ANO2: variants seen among roughly 807,000 people sequenced by gnomAD.
ANO2 encodes anoctamin-2.
ANO2 carries 101 observed loss-of-function variants against 124.2 expected under a neutral mutation model. The observed-to-expected ratio is 0.81, with a 90% CI of 0.69 to 0.96. The LOEUF (loss-of-function observed/expected upper bound fraction) is 0.96. ANO2 is among the 40% of genes least tolerant of loss of function. ANO2 has a pLI of 0.00. For synonymous variants in ANO2, 486 were observed against 482.5 expected (o/e 1.01, Z -0.09); for missense variants, 1,293 against 1,274.5 (o/e 1.01, Z -0.22).
chr12:5,853,013 GC>G (rs1189706538), intron 4 of ANO2, among the ~76,000 whole-genome samples: 1 of 151,888 alleles, frequency 6.6e-6, no homozygotes, highest in Non-Finnish European at 1.5e-5. Context: ...AAGAGACATG[GC>G]AGATGGTCAA....
intron 10 of ANO2, among the ~76,000 whole-genome samples, chr12:5,798,618 A>G (rs909661661): frequency 6.6e-6 from 1 of 152,218 alleles, no homozygotes; most frequent in Non-Finnish European, 1.5e-5. Flanking sequence ...CTCCTCCTGC[A>G]GGCTCCAGCG....
chr12:5,583,652 CAAAAAAAA>C (rs61360127), intron 20 of ANO2: 6 of 76,938 alleles, frequency 7.8e-5, no homozygotes, highest in Admixed American at 6.0e-4. Flanking sequence ...GACTCCGTCT[CAAAAAAAA>C]AAAAAAAAAA....
intron 20 of ANO2, among the ~76,000 whole-genome samples, chr12:5,589,624 C>T (rs188840742): frequency 3.9e-4 from 59 of 152,202 alleles, no homozygotes; most frequent in African/African-American, 1.3e-3. Flanking sequence ...TTTGAAGAAT[C>T]GGCCCTTGGG....
chr12:5,911,252 G>A (rs1040091024), intron 3 of ANO2, among the ~76,000 whole-genome samples: 2 of 152,136 alleles, frequency 1.3e-5, no homozygotes, highest in Non-Finnish European at 2.9e-5. Flanking sequence ...CCTAGTAGGT[G>A]CTCAGTAAAT....
chr12:5,638,732 G>A (rs536418310), intron 15 of ANO2, among the ~76,000 whole-genome samples: 7 of 152,054 alleles, frequency 4.6e-5, no homozygotes, highest in South Asian at 4.2e-4. Context: ...GTAAAGATTC[G>A]CTGGTCAGCA....
intron 14 of ANO2, among the ~76,000 whole-genome samples, chr12:5,673,465 C>A (rs1192194460): frequency 6.6e-6 from 1 of 152,206 alleles, no homozygotes; most frequent in Non-Finnish European, 1.5e-5. Context: ...ATATAGCACT[C>A]ATTTGCTTGG....
chr12:5,593,099 A>C (rs1943485844), intron 20 of ANO2, among the ~76,000 whole-genome samples: 1 of 152,252 alleles, frequency 6.6e-6, no homozygotes, highest in African/African-American at 2.4e-5. Flanking sequence ...GTAAACATGC[A>C]ATCATGGATG....
chr12:5,909,147 AT>A (rs1940884401), intron 3 of ANO2, among the ~76,000 whole-genome samples: 1 of 152,202 alleles, frequency 6.6e-6, no homozygotes, highest in African/African-American at 2.4e-5. Context: ...ACTAGGAATA[AT>A]TCTGTAGAAA....
At chr12:5,617,009 C>T (rs1944847824) in intron 16 of ANO2, among the ~76,000 whole-genome samples, 1 of 151,822 alleles carries the variant, frequency 6.6e-6, no homozygotes, top group African/African-American at 2.4e-5. Flanking sequence ...CACATAGTAC[C>T]ACACTCTCCA....
At chr12:5,847,710 T>C (rs1285370800) in intron 4 of ANO2, among the ~76,000 whole-genome samples, 2 of 152,128 alleles carry the variant, frequency 1.3e-5, no homozygotes, top group South Asian at 2.1e-4. Context: ...TTTCCAAAGC[T>C]AAATGGAATT....
At chr12:5,917,565 C>CTTT (rs1275136752) in intron 3 of ANO2, among the ~76,000 whole-genome samples, 21 of 100,644 alleles carry the variant, frequency 2.1e-4, no homozygotes, top group South Asian at 3.5e-4. Context: ...TCTCTTTTTT[C>CTTT]TTTTTTTTTT....
At chr12:5,879,463 C>T (rs1208605298) in intron 3 of ANO2, among the ~76,000 whole-genome samples, 1 of 152,216 alleles carries the variant, frequency 6.6e-6, no homozygotes, top group Non-Finnish European at 1.5e-5. Flanking sequence ...TCTCTCGATA[C>T]AAGACCTGTG....
rs1942515410 is a variant in ANO2 at position 5,578,006 on chromosome 12, T to G, written c.2388A>C (p.Gly796=). 6.2e-7 allele frequency: 1 copy of G among 1,613,554 alleles called. No homozygotes were observed. The highest frequency in any genetic ancestry group is 1.3e-5 in the African/African-American group (1 of 74,880). The change falls in exon 22 of 25, where the codon GGA becomes GGC. Residue 796 remains glycine, a splice_region_variant and synonymous_variant. Transcript: ENST00000682330. The stretch of plus-strand genomic sequence containing the variant: ...TTCCAGAGAGAATGTCAAACCAGAT[T>G]CCTACAAGACAGAAAAGACAGCGTC... The part of the protein sequence containing the change: ...RPDAVRTKDI[G]IWFDILSGIG...
intron 15 of ANO2, among the ~76,000 whole-genome samples, chr12:5,640,169 C>T (rs966575109): frequency 6.6e-6 from 1 of 152,200 alleles, no homozygotes; most frequent in African/African-American, 2.4e-5. Context: ...CTCATCACCC[C>T]ATGAAAAGCA....
chr12:5,916,552 G>A (rs1941390827), intron 3 of ANO2, among the ~76,000 whole-genome samples: 2 of 144,984 alleles, frequency 1.4e-5, no homozygotes, highest in Middle Eastern at 3.7e-3. Context: ...GTGAATTTTA[G>A]TTAATGATAA....
chr12:5,840,653 C>G (rs1045914843), intron 4 of ANO2, among the ~76,000 whole-genome samples: 4 of 152,156 alleles, frequency 2.6e-5, no homozygotes, highest in African/African-American at 9.7e-5. Context: ...TCACTAATAT[C>G]TGCAGAGGCC....
chr12:5,921,032 T>C lies in ANO2; in HGVS notation c.534+8A>G. The stretch of plus-strand genomic sequence containing the variant: ...ATCTCCAAGTCCCTGGCCACCCGCC[T>C]GACTCACCTCCAAGTCCTTCTCAAG... On this transcript the variant is annotated splice_region_variant and intron_variant, in intron 3 of 24. Transcript: ENST00000682330. The C allele has an allele frequency of 1.3e-6, 2 of 1,599,820 alleles. No homozygotes were observed. Among genetic ancestry groups the C allele is most frequent in the Non-Finnish European group, 1.7e-6 (2 of 1,169,200 alleles).
rs540178282 is a variant in ANO2, at chr12:5,873,169, A to G, written c.535-19028T>C. On this transcript the variant is annotated intron_variant, in intron 3 of 24. Transcript: ENST00000682330. Reference sequence around the variant, plus strand: ...GCAGTTTATAAGCCCTACCAGAATTATAACTTTGTTACTTTTGCCTAAAGC... The same window carrying G: ...GCAGTTTATAAGCCCTACCAGAATTGTAACTTTGTTACTTTTGCCTAAAGC... Among the ~76,000 whole-genome samples the G allele has an allele frequency of 5.3e-5, 8 of 149,714 alleles. No homozygotes were observed. The South Asian group carries it at 1.7e-3, about 31-fold the overall frequency.
chr12:5,724,894 T>C (rs1354933650), intron 14 of ANO2, among the ~76,000 whole-genome samples: 1 of 152,210 alleles, frequency 6.6e-6, no homozygotes, highest in East Asian at 1.9e-4. Context: ...GGATTTTGTT[T>C]TAAAGTCCTT....
Sources: allele counts gnomAD v4.1 joint callset (sites outside exome capture counted in the v4.1 genomes callset), GRCh38; gene constraint gnomAD v4.1.1; transcripts MANE v1.5; gene names NCBI Gene and HGNC (gene_info 2026-07-23, HGNC 2026-07-21).